Variants in ERBB4 observed in about 807,000 individuals in gnomAD.
ERBB4 encodes erb-b2 receptor tyrosine kinase 4, also known as receptor tyrosine-protein kinase erbB-4.
A neutral mutation model predicts 158.0 loss-of-function variants in ERBB4; 42 were observed. That is an observed-to-expected ratio of 0.27 (90% confidence interval 0.21 to 0.34). The LOEUF is 0.34. Among genes scored for constraint, ERBB4 ranks in the 10% least tolerant of loss-of-function variants. ERBB4 has a pLI of 1.00. For synonymous variants in ERBB4, 583 were observed against 558.7 expected (o/e 1.04, Z -0.61); for missense variants, 1,333 against 1,624.1 (o/e 0.82, Z 3.08).
intron 1 of ERBB4, among the ~76,000 whole-genome samples, chr2:212,195,692 C>A (rs1432172948): frequency 1.3e-5 from 2 of 151,788 alleles, no homozygotes; most frequent in Non-Finnish European, 2.9e-5. Context: ...TAAAAATAAA[C>A]AACAAAAACA....
chr2:211,772,894 C>T lies in ERBB4; in HGVS notation c.556+15131G>A, dbSNP rs546524147. ...ACACATATATATATATACACACACA[C>T]ACACATATATATATACACACACACA... On this transcript the variant is annotated intron_variant, in intron 4 of 27. Coordinates refer to ENST00000342788, the MANE Select transcript of ERBB4 (RefSeq NM_005235.3). Among the ~76,000 whole-genome samples the T allele has an allele frequency of 1.2e-4, 9 of 77,574 alleles. No individual in the cohort carries two copies. The East Asian group carries it at 3.1e-3, about 27-fold the overall frequency. 50.9% of individuals were successfully genotyped at this position (77,574 alleles called of 152,430 possible).
chr2:212,262,699 G>T (rs1294733288), intron 1 of ERBB4, among the ~76,000 whole-genome samples: 1 of 152,008 alleles, frequency 6.6e-6, no homozygotes, highest in South Asian at 2.1e-4. Context: ...GCCATATAAG[G>T]GTATCTGTGA....
chr2:211,638,378 A>G (rs1042807020), intron 16 of ERBB4, among the ~76,000 whole-genome samples: 9 of 152,134 alleles, frequency 5.9e-5, no homozygotes, highest in Non-Finnish European at 1.2e-4. Context: ...AGCTACATTA[A>G]GGGAGTTCTT....
At chr2:211,785,203 G>C (rs1253799924) in intron 4 of ERBB4, among the ~76,000 whole-genome samples, 1 of 151,130 alleles carries the variant, frequency 6.6e-6, no homozygotes, top group African/African-American at 2.4e-5. Flanking sequence ...CTGGGTTCAC[G>C]CCATTCTCCA....
At chr2:211,547,176 G>A (rs1217111711) in intron 20 of ERBB4, among the ~76,000 whole-genome samples, 1 of 152,046 alleles carries the variant, frequency 6.6e-6, no homozygotes. Flanking sequence ...GGGGAAAATG[G>A]ATGAAGGACA....
At chr2:212,482,017 A>G (rs1163403455) in intron 1 of ERBB4, among the ~76,000 whole-genome samples, 1 of 152,214 alleles carries the variant, frequency 6.6e-6, no homozygotes, top group Non-Finnish European at 1.5e-5. Context: ...TAATAAGGCA[A>G]TGGCACACAT....
At chr2:211,746,451 G>A (rs764193915) in intron 5 of ERBB4, among the ~76,000 whole-genome samples, 58 of 152,160 alleles carry the variant, frequency 3.8e-4, no homozygotes, top group Middle Eastern at 3.4e-3. Context: ...GTAATTTCAC[G>A]TCTGATGATT....
At chr2:212,531,091 G>C (rs1692731320) in intron 1 of ERBB4, among the ~76,000 whole-genome samples, 1 of 152,072 alleles carries the variant, frequency 6.6e-6, no homozygotes, top group South Asian at 2.1e-4. Context: ...ACTTCTCATG[G>C]GAGAGGCTTA....
chr2:212,418,602 A>T (rs891845560), intron 1 of ERBB4, among the ~76,000 whole-genome samples: 1 of 151,438 alleles, frequency 6.6e-6, no homozygotes, highest in Non-Finnish European at 1.5e-5. Flanking sequence ...GAATCATAAG[A>T]ACCATTATAA....
intron 1 of ERBB4, among the ~76,000 whole-genome samples, chr2:212,509,159 T>C (rs1265086244): frequency 2.0e-5 from 3 of 152,092 alleles, no homozygotes; most frequent in African/African-American, 7.2e-5. Flanking sequence ...CATTTGGAAT[T>C]GTTGATGTGT....
At chr2:212,413,117 A>C (rs371602870) in intron 1 of ERBB4, among the ~76,000 whole-genome samples, 2 of 142,046 alleles carry the variant, frequency 1.4e-5, no homozygotes, top group South Asian at 4.5e-4. Context: ...ACAGGCACAC[A>C]CCACCATGCG....
Position 212,191,674 on chromosome 2 carries a change from G to A in ERBB4, c.83-66771C>T, listed in dbSNP as rs111067522. Among the ~76,000 whole-genome samples, 96 of 124,118 alleles carry A rather than the reference G, an allele frequency of 7.7e-4. 3 individuals are homozygous for A. The highest frequency in any genetic ancestry group is 2.5e-3 in the African/African-American group (79 of 31,966). The allele number at this position is 124,118 out of a possible 152,430, so 81.4% of individuals were successfully genotyped here. A position where few individuals can be genotyped will look rare whatever the true frequency, so the allele number is the denominator to read the frequency against. ...ACATGCGTTATACATGTCATATATC[G>A]CGTGTGTTATACATGTTACATATAA... On this transcript the variant is annotated intron_variant, in intron 1 of 27. Transcript: ENST00000342788.
chr2:212,336,523 T>C (rs1458580448), intron 1 of ERBB4, among the ~76,000 whole-genome samples: 1 of 152,018 alleles, frequency 6.6e-6, no homozygotes, highest in Non-Finnish European at 1.5e-5. Context: ...TGATACAATA[T>C]TGTTTACTAC....
At chr2:212,279,509 T>C (rs748956403) in intron 1 of ERBB4, among the ~76,000 whole-genome samples, 4 of 151,696 alleles carry the variant, frequency 2.6e-5, no homozygotes, top group Non-Finnish European at 5.9e-5. Flanking sequence ...ATAATTATCA[T>C]CAAAGCAATA....
At chr2:211,689,084 TTC>T (rs1460187755) in intron 12 of ERBB4, among the ~76,000 whole-genome samples, 1 of 152,102 alleles carries the variant, frequency 6.6e-6, no homozygotes, top group Non-Finnish European at 1.5e-5. Flanking sequence ...TATCAACAGT[TTC>T]TCTGTTATAT....
At chr2:211,852,570 C>T (rs1000542912) in intron 3 of ERBB4, among the ~76,000 whole-genome samples, 2 of 150,960 alleles carry the variant, frequency 1.3e-5, no homozygotes, top group Non-Finnish European at 3.0e-5. Context: ...CATCATTCCC[C>T]TATAATGTTG....
At chr2:212,301,076 A>C (rs1057481791) in intron 1 of ERBB4, among the ~76,000 whole-genome samples, 2 of 150,930 alleles carry the variant, frequency 1.3e-5, no homozygotes, top group African/African-American at 4.9e-5. Flanking sequence ...TTAAGTAGTT[A>C]GTACTTGGCT....
intron 1 of ERBB4, among the ~76,000 whole-genome samples, chr2:212,304,477 T>TA (rs1302956030): frequency 1.9e-4 from 7 of 37,166 alleles, no homozygotes; most frequent in Non-Finnish European, 1.1e-3. Flanking sequence ...AGAACACATA[T>TA]TTTTTTTATT....
intron 1 of ERBB4, among the ~76,000 whole-genome samples, chr2:212,310,025 C>T (rs2086969367): frequency 6.6e-6 from 1 of 150,426 alleles, no homozygotes; most frequent in Non-Finnish European, 1.5e-5. Context: ...TATAATGTAA[C>T]TGATTCTATA....
Sources: allele counts gnomAD v4.1 joint callset (sites outside exome capture counted in the v4.1 genomes callset), GRCh38; gene constraint gnomAD v4.1.1; transcripts MANE v1.5; gene names NCBI Gene and HGNC (gene_info 2026-07-23, HGNC 2026-07-21).